POLR2B: variants seen among roughly 807,000 people sequenced by gnomAD.
The protein encoded by POLR2B is DNA-directed RNA polymerase II subunit RPB2.
POLR2B carries 57 observed loss-of-function variants against 144.6 expected under a neutral mutation model. That is an observed-to-expected ratio of 0.39 (90% CI 0.32 to 0.49). The LOEUF (loss-of-function observed/expected upper bound fraction) is 0.49. Ranked by LOEUF, POLR2B falls within the 20% of genes least tolerant of loss-of-function variation. POLR2B has a pLI of 0.83. For synonymous variants in POLR2B, 442 were observed against 469.8 expected, an observed-to-expected ratio of 0.94 and a Z score of 0.77; for missense variants, 595 against 1,467.4, an observed-to-expected ratio of 0.41 and a Z score of 9.71.
chr4:57,007,430 A>G (rs1332200831), intron 10 of POLR2B, among the ~76,000 whole-genome samples: 1 of 152,186 alleles, frequency 6.6e-6, no homozygotes, highest in Non-Finnish European at 1.5e-5. Flanking sequence ...AACAAAAAAA[A>G]AAACTTACTG....
chr4:57,025,712 A>G lies in POLR2B; in HGVS notation c.3239+175A>G, dbSNP rs533935128. On this transcript the variant is annotated intron_variant, in intron 23 of 24. Transcript: ENST00000314595. The stretch of plus-strand genomic sequence containing the variant: ...TTCATCTCTGTCCTTCTAACCTTTG[A>G]TATTATCATCATGTTTTAAAGGCAG... Among the ~76,000 whole-genome samples the G allele has an allele frequency of 2.0e-5, 3 of 152,122 alleles. No individual in the cohort carries two copies. The South Asian group carries it at 6.2e-4, about 32-fold the overall frequency.
intron 6 of POLR2B, among the ~76,000 whole-genome samples, chr4:56,996,945 A>C (rs1722709773): frequency 1.3e-5 from 2 of 151,994 alleles, no homozygotes. Context: ...ACAAAAACCC[A>C]AAAATTAGCT....
rs116167924 is a variant in POLR2B, at chr4:57,013,328, G to A, written c.1801-2174G>A. ...TTTACAGCTTGAAGTCAGGAAGAGA[G>A]TGATTCACTTGAGGGCAGGCAAGGC... On this transcript the variant is annotated intron_variant, in intron 13 of 24. Transcript: ENST00000314595. 3.3e-3 allele frequency among the ~76,000 whole-genome samples: 501 copies of A among 152,178 alleles called. 3 individuals carry two copies. Among genetic ancestry groups the A allele is most frequent in the African/African-American group, 0.011 (475 of 41,508 alleles).
chr4:57,026,928 C>T (rs1723740384), intron 23 of POLR2B, among the ~76,000 whole-genome samples: 1 of 152,154 alleles, frequency 6.6e-6, no homozygotes, highest in Non-Finnish European at 1.5e-5. Context: ...GCATTCATTC[C>T]ATTGTAGTAT....
chr4:56,999,349 T>A (rs1241025445), intron 6 of POLR2B, among the ~76,000 whole-genome samples: 1 of 151,854 alleles, frequency 6.6e-6, no homozygotes, highest in Non-Finnish European at 1.5e-5. Context: ...AAATACAGTA[T>A]TGGGTAATTC....
chr4:56,980,005 C>A (rs531622305), intron 1 of POLR2B, among the ~76,000 whole-genome samples: 2 of 152,130 alleles, frequency 1.3e-5, no homozygotes, highest in South Asian at 4.1e-4. Flanking sequence ...GCTCTCAATT[C>A]CTTGGCCACC....
At chr4:56,990,424 T>C (rs543865342) in intron 2 of POLR2B, among the ~76,000 whole-genome samples, 75 of 152,256 alleles carry the variant, frequency 4.9e-4, no homozygotes, top group Admixed American at 1.8e-3. Context: ...TGAGGTCTCA[T>C]TGCGTTGCCC....
At chr4:56,981,600 C>T (rs1722158659) in intron 1 of POLR2B, among the ~76,000 whole-genome samples, 1 of 152,144 alleles carries the variant, frequency 6.6e-6, no homozygotes, top group African/African-American at 2.4e-5. Flanking sequence ...ATTTTATTGC[C>T]CATGTCCTCT....
intron 7 of POLR2B, among the ~76,000 whole-genome samples, chr4:57,005,026 A>G (rs1028066746): frequency 6.6e-6 from 1 of 152,202 alleles, no homozygotes; most frequent in Non-Finnish European, 1.5e-5. Context: ...GTATCTTTCT[A>G]GAAAGGTAAT....
intron 23 of POLR2B, among the ~76,000 whole-genome samples, chr4:57,025,762 G>C (rs1723696671): frequency 1.3e-5 from 2 of 152,000 alleles, no homozygotes; most frequent in Admixed American, 6.6e-5. Flanking sequence ...ACCCAGGCTG[G>C]AGTGCAGTGG....
chr4:56,986,153 C>A, intron 1 of POLR2B: 2 of 568,858 alleles, frequency 3.5e-6, no homozygotes, highest in Non-Finnish European at 3.1e-6. Context: ...TCTAATAAAC[C>A]TCTTTTTATA....
At position 57,014,471 on chromosome 4, in the gene POLR2B, T is replaced by C. The variant is rs149196166; in HGVS notation, c.1801-1031T>C. Among the ~76,000 whole-genome samples the C allele has an allele frequency of 2.7e-5, 4 of 150,880 alleles. No homozygotes were observed. In the East Asian group the frequency reaches 7.8e-4, roughly 30 times the overall value. ...TTGCCTCACAAAGTGTTGGGATTACTGGCATGAGCCACCGTGCCTGGTCTT... is the reference window on the plus strand; with the variant it reads ...TTGCCTCACAAAGTGTTGGGATTACCGGCATGAGCCACCGTGCCTGGTCTT... On this transcript the variant is annotated intron_variant, in intron 13 of 24. Coordinates refer to ENST00000314595, the MANE Select transcript of POLR2B (RefSeq NM_000938.3).
chr4:57,022,281 A>C (rs770011250), intron 18 of POLR2B, 35 bp downstream of exon 18: 6 of 1,346,186 alleles, frequency 4.5e-6, no homozygotes, highest in Non-Finnish European at 6.4e-6. Context: ...ATGGAATCCA[A>C]AGTTAACTTA....
intron 22 of POLR2B, 26 bp from the exon 23 acceptor site, chr4:57,025,351 C>A: frequency 6.3e-7 from 1 of 1,580,614 alleles, no homozygotes; most frequent in Non-Finnish European, 8.7e-7. Context: ...TTTAGGTCTA[C>A]ACTTCAAAAT....
Position 57,015,646 on chromosome 4 carries a change from A to G in POLR2B, c.1945A>G (p.Asn649Asp). The change falls in exon 14 of 25, where the codon AAC becomes GAC. Residue 649 changes from asparagine to aspartate, a missense_variant. Transcript: ENST00000314595. ...HIDQLKEREYNNYSWQDLVAS... is the reference protein window; with the variant it reads ...HIDQLKEREYDNYSWQDLVAS... ...TGACCAATTGAAAGAGAGAGAATAT[A>G]ACAACTATAGGTAAAAACATGCAGT... 1 of 1,437,378 alleles carries G rather than the reference A, an allele frequency of 7.0e-7. No individual in the cohort carries two copies. Among genetic ancestry groups the G allele is most frequent in the Non-Finnish European group, 9.3e-7 (1 of 1,075,064 alleles). 89.0% of individuals were successfully genotyped at this position (1,437,378 alleles called of 1,614,324 possible).
intron 7 of POLR2B, among the ~76,000 whole-genome samples, chr4:57,004,310 A>G (rs912510339): frequency 1.3e-5 from 2 of 150,910 alleles, no homozygotes; most frequent in Non-Finnish European, 2.9e-5. Context: ...TGGCCTCCCA[A>G]AGTGCTGGGA....
At chr4:56,989,811 G>A (rs1470517485) in intron 2 of POLR2B, among the ~76,000 whole-genome samples, 1 of 152,158 alleles carries the variant, frequency 6.6e-6, no homozygotes, top group Non-Finnish European at 1.5e-5. Context: ...GCTGTCCCTG[G>A]ATGGTAATAG....
intron 14 of POLR2B, among the ~76,000 whole-genome samples, chr4:57,016,723 C>T (rs1723378621): frequency 6.7e-6 from 1 of 149,396 alleles, no homozygotes; most frequent in Non-Finnish European, 1.5e-5. Context: ...AAAAATCATT[C>T]AAACAATATG....
At chr4:56,990,694 T>C (rs967766306) in intron 2 of POLR2B, 54 bp from the exon 3 acceptor site, 1 of 1,439,266 alleles carries the variant, frequency 6.9e-7, no homozygotes, top group Non-Finnish European at 9.5e-7. Context: ...AATGGGGAAT[T>C]ATGCTAGAAA....
Sources: allele counts gnomAD v4.1 joint callset (sites outside exome capture counted in the v4.1 genomes callset), GRCh38; gene constraint gnomAD v4.1.1; transcripts MANE v1.5; gene names NCBI Gene and HGNC (gene_info 2026-07-23, HGNC 2026-07-21).